Variants in LRP3 observed in about 807,000 individuals in gnomAD.
The protein encoded by LRP3 is LDL receptor related protein 3.
A neutral mutation model predicts 58.5 loss-of-function variants in LRP3; 49 were observed. The ratio of observed to expected loss-of-function variants is 0.84; its 90% CI spans 0.67 to 1.06. LRP3 has a LOEUF of 1.06. Among genes scored for constraint, LRP3 ranks in the 50% least tolerant of loss-of-function variants. LRP3 has a pLI of 0.00. For synonymous variants in LRP3, 485 were observed against 492.2 expected (o/e 0.99, Z 0.20); for missense variants, 1,019 against 1,134.2 (o/e 0.90, Z 1.46).
chr19:33,207,757 G>T lies in LRP3; in HGVS notation c.*182G>T, dbSNP rs895988383. On this transcript the variant is annotated 3_prime_UTR_variant, in exon 7 of 7. Coordinates refer to ENST00000253193, the MANE Select transcript of LRP3 (RefSeq NM_002333.4). ...GGAGCTGTGGGACTGAACGGCGGGG[G>T]GGAGAAGAGTGGAGTGGTGAGCCCG... 3 of 599,080 alleles carry T rather than the reference G, an allele frequency of 5.0e-6. No homozygotes were observed. Among genetic ancestry groups the T allele is most frequent in the Non-Finnish European group, 5.9e-6 (2 of 337,476 alleles). The allele number at this position is 599,080 out of a possible 1,614,324, so 37.1% of individuals were successfully genotyped here. A position where few individuals can be genotyped will look rare whatever the true frequency, so the allele number is the denominator to read the frequency against.
rs1974432546 is a variant in LRP3, at chr19:33,207,310, C to T, written c.2048C>T (p.Pro683Leu). ...RAPEVGPSGP[P>L]LPSGLRDPEC... ...CCGGAGGTGGGACCTTCAGGGCCAC[C>T]CTTGCCCTCGGGCCTGCGAGACCCA... Residue 683 changes from proline to leucine, a missense_variant, in exon 7 of 7, where the codon CCC (proline) becomes CTC (leucine). Around this residue, in one of 2 missense-constraint regions of LRP3, gnomAD observed 427 missense variants for 408.6 expected, o/e 1.04. Coordinates refer to ENST00000253193, the MANE Select transcript of LRP3 (RefSeq NM_002333.4). The T allele has an allele frequency of 1.3e-6, 2 of 1,568,858 alleles. No individual in the cohort carries two copies. Among genetic ancestry groups the T allele is most frequent in the African/African-American group, 1.3e-5 (1 of 74,498 alleles).
chr19:33,196,888 C>T, intron 2 of LRP3, 111 bp downstream of exon 2: 1 of 971,590 alleles, frequency 1.0e-6, no homozygotes, highest in South Asian at 1.3e-5. Flanking sequence ...CTGTGTGCAT[C>T]TTTTCTACAT....
At position 33,207,064 on chromosome 19, in the gene LRP3, G is replaced by A. The variant is rs1337620878; in HGVS notation, c.1802G>A (p.Arg601His). Residue 601 changes from arginine (R) to histidine (H), a missense_variant, in exon 7 of 7, where the codon CGC becomes CAC. Transcript: ENST00000253193. ...RRHASRRGPSRRRLGRLWNRL... is the reference protein window; with the variant it reads ...RRHASRRGPSHRRLGRLWNRL... The stretch of plus-strand genomic sequence containing the variant: ...CACGCCTCCCGCCGGGGGCCCTCCC[G>A]CCGCCGCCTCGGCCGCCTCTGGAAC... 7.4e-6 allele frequency: 11 copies of A among 1,490,252 alleles called. No homozygotes were observed. Among genetic ancestry groups the A allele is most frequent in the East Asian group, 2.5e-5 (1 of 39,574 alleles). 92.3% of individuals were successfully genotyped at this position (1,490,252 alleles called of 1,614,324 possible).
At chr19:33,204,461 A>G (rs1312280490) in intron 3 of LRP3, 177 bp from the exon 4 acceptor site, 19 of 637,702 alleles carry the variant, frequency 3.0e-5, no homozygotes, top group Non-Finnish European at 5.3e-5. Context: ...CAGTGTGGGG[A>G]CAGAGTGGCT....
In LRP3 at chr19:33,194,718, A is replaced by G. The variant is rs1974266427; in HGVS notation, c.-68A>G. On this transcript the variant is annotated 5_prime_UTR_variant, in exon 1 of 7. Transcript: ENST00000253193. ...GAGCCGCAGCCAGAGCCAGAGCCGG[A>G]GCCGCAGCCGGAACCGGAGCCGGAG... is the stretch of plus-strand genomic sequence containing the variant. 6 of 481,146 alleles carry G rather than the reference A, an allele frequency of 1.2e-5. No homozygotes were observed. Among genetic ancestry groups the G allele is most frequent in the Non-Finnish European group, 1.6e-5 (6 of 370,306 alleles). 29.8% of individuals were successfully genotyped at this position (481,146 alleles called of 1,614,324 possible).
At chr19:33,194,922 G>T in intron 1 of LRP3, 64 bp downstream of exon 1, 3 of 898,116 alleles carry the variant, frequency 3.3e-6, no homozygotes, top group South Asian at 1.1e-4. Flanking sequence ...GCCGCGCCCT[G>T]ACCGACCTCC....
At chr19:33,200,744 A>C (rs376460580) in intron 2 of LRP3, among the ~76,000 whole-genome samples, 1 of 152,090 alleles carries the variant, frequency 6.6e-6, no homozygotes, top group South Asian at 2.1e-4. Context: ...ACAGTGCCCT[A>C]TTTCTGGGGC....
At chr19:33,196,000 C>T (rs1048118414) in intron 1 of LRP3, among the ~76,000 whole-genome samples, 2 of 149,860 alleles carry the variant, frequency 1.3e-5, no homozygotes, top group African/African-American at 5.1e-5. Context: ...GGTTTCCCCC[C>T]ACCCCCCGAC....
At chr19:33,196,871 C>G in intron 2 of LRP3, 94 bp downstream of exon 2, 3 of 1,160,594 alleles carry the variant, frequency 2.6e-6, no homozygotes, top group Non-Finnish European at 3.9e-6. Flanking sequence ...GGCACTACCC[C>G]GAGTTCCTGT....
rs187755724 is a variant in LRP3 at position 33,196,573 on chromosome 19, T to C, written c.74-157T>C. Among the ~76,000 whole-genome samples, 352 of 152,162 alleles carry C rather than the reference T, an allele frequency of 2.3e-3. 1 individual carries two copies. Among genetic ancestry groups the C allele is most frequent in the African/African-American group, 7.8e-3 (326 of 41,538 alleles). On this transcript the variant is annotated intron_variant, in intron 1 of 6. Transcript: ENST00000253193. The stretch of plus-strand genomic sequence containing the variant: ...TGGGGGTGAGGTGGTAGGGACCCTC[T>C]TGATGGGCAGTCTTGGGCTGCGCTC...
In LRP3 at chr19:33,205,782, G is replaced by A. The variant is rs1413955328; in HGVS notation, c.1012G>A (p.Ala338Thr). The change falls in exon 5 of 7, where the codon GCC (alanine) becomes ACC (threonine). Residue 338 changes from alanine to threonine, a missense_variant. Physicochemically the swap from Ala to Thr is moderately conservative, Grantham distance 58. Coordinates refer to ENST00000253193, the MANE Select transcript of LRP3 (RefSeq NM_002333.4). ...CAACCACCGGCCCGTGAGCCTGGAGGCCGCCCAGGGCCGCCTCACTGTGGC... is the reference window on the plus strand; with the variant it reads ...CAACCACCGGCCCGTGAGCCTGGAGACCGCCCAGGGCCGCCTCACTGTGGC... ...RSNHRPVSLE[A>T]AQGRLTVAYH... is the part of the protein sequence containing the mutation. The A allele has an allele frequency of 1.9e-6, 3 of 1,583,896 alleles. No homozygotes were observed. The highest frequency in any genetic ancestry group is 8.6e-7 in the Non-Finnish European group (1 of 1,167,922).
chr19:33,198,585 C>T (rs960044461), intron 2 of LRP3, among the ~76,000 whole-genome samples: 1 of 152,190 alleles, frequency 6.6e-6, no homozygotes, highest in African/African-American at 2.4e-5. Flanking sequence ...GCCCCTTCTC[C>T]ACCCTAACTA....
rs1224421525 is a variant in LRP3 at position 33,206,070 on chromosome 19, G to C, written c.1300G>C (p.Ala434Pro). The C allele has an allele frequency of 6.2e-7, 1 of 1,606,486 alleles. No homozygotes were observed. The highest frequency in any genetic ancestry group is 8.5e-7 in the Non-Finnish European group (1 of 1,177,508). Residue 434 changes from alanine (A) to proline (P), a missense_variant, in exon 5 of 7, where the codon GCC becomes CCC. By Grantham distance (27) the Ala-to-Pro change is conservative (BLOSUM62 -1). Around this residue, in one of 2 missense-constraint regions of LRP3, gnomAD observed 592 missense variants for 725.5 expected, o/e 0.82. Coordinates refer to ENST00000253193, the MANE Select transcript of LRP3 (RefSeq NM_002333.4). ...TGGCAGTGGTCTGTGCTACACGCCTGCCGACCGCTGCAACAACCAGAAAAG... is the reference window on the plus strand; with the variant it reads ...TGGCAGTGGTCTGTGCTACACGCCTCCCGACCGCTGCAACAACCAGAAAAG... ...EGGSGLCYTP[A>P]DRCNNQKSCP...
In LRP3 at chr19:33,206,111, C is replaced by G. The variant is rs560613752; in HGVS notation, c.1341C>G (p.Ala447=). 3 of 1,609,536 alleles carry G rather than the reference C, an allele frequency of 1.9e-6. No individual in the cohort carries two copies. Among genetic ancestry groups the G allele is most frequent in the Non-Finnish European group, 2.5e-6 (3 of 1,179,108 alleles). ...ACCAGAAAAGCTGTCCCGACGGCGC[C>G]GACGAGAAGAACTGCTTCTCCTGCC... The part of the protein sequence containing the change: ...CNNQKSCPDG[A]DEKNCFSCQP... The change falls in exon 5 of 7, where the codon GCC becomes GCG. Residue 447 remains alanine, a synonymous_variant. Transcript: ENST00000253193.
chr19:33,197,632 C>T (rs1974299255), intron 2 of LRP3, among the ~76,000 whole-genome samples: 1 of 152,102 alleles, frequency 6.6e-6, no homozygotes, highest in Admixed American at 6.5e-5. Context: ...GTCTGTAAAA[C>T]CAAAACCAAA....
rs372557989 is a variant in LRP3 at position 33,207,389 on chromosome 19, C to T, written c.2127C>T (p.Asp709=). Reference sequence around the variant, plus strand: ...AGGTCTGCAGGGAGCCACTGGTAGACGGCCCAGCTCCTGCAGATGCACCTC... The same window carrying T: ...AGGTCTGCAGGGAGCCACTGGTAGATGGCCCAGCTCCTGCAGATGCACCTC... ...DRKVCREPLV[D]GPAPADAPRE... Residue 709 remains aspartate, a synonymous_variant, in exon 7 of 7, where the codon GAC becomes GAT. Transcript: ENST00000253193. 5.7e-5 allele frequency: 90 copies of T among 1,585,138 alleles called. No individual in the cohort carries two copies. Among genetic ancestry groups the T allele is most frequent in the South Asian group, 1.1e-4 (10 of 88,564 alleles).
chr19:33,207,646 C>T lies in LRP3; in HGVS notation c.*71C>T, dbSNP rs1974440912. On this transcript the variant is annotated 3_prime_UTR_variant, in exon 7 of 7. Coordinates refer to ENST00000253193, the MANE Select transcript of LRP3 (RefSeq NM_002333.4). ...GGAATACACAGTCATTTCTACCCTG[C>T]CTCTGCGTCCTTTCTTATGGAGAGG... 1.7e-6 allele frequency: 2 copies of T among 1,210,930 alleles called. No individual in the cohort carries two copies. The highest frequency in any genetic ancestry group is 2.4e-6 in the Non-Finnish European group (2 of 845,322). 75.0% of individuals were successfully genotyped at this position (1,210,930 alleles called of 1,614,324 possible). A position where few individuals can be genotyped will look rare whatever the true frequency, so the allele number is the denominator to read the frequency against.
At position 33,204,335 on chromosome 19, in the gene LRP3, G is replaced by A. The variant is rs8100642; in HGVS notation, c.261-303G>A. On this transcript the variant is annotated intron_variant, in intron 3 of 6. Coordinates refer to ENST00000253193, the MANE Select transcript of LRP3 (RefSeq NM_002333.4). ...TGACTTCCTGCTCCACTTCGGCTTC[G>A]GGCTGGGGGTACTGTGTGCACTGAT... The A allele has an allele frequency of 1.1e-3, 435 of 383,238 alleles. 1 individual carries two copies. Among genetic ancestry groups the A allele is most frequent in the African/African-American group, 7.7e-3 (381 of 49,444 alleles). 23.7% of individuals were successfully genotyped at this position (383,238 alleles called of 1,614,324 possible).
At chr19:33,201,942 C>G (rs528595322) in intron 2 of LRP3, among the ~76,000 whole-genome samples, 1 of 152,178 alleles carries the variant, frequency 6.6e-6, no homozygotes, top group Non-Finnish European at 1.5e-5. Context: ...TTTGAGCTGG[C>G]GGGCGTGATG....
Sources: gnomAD v4.1 joint callset for allele counts (sites outside exome capture counted in the v4.1 genomes callset) on GRCh38, gnomAD v4.1.1 for gene constraint, gnomAD v4.1.1 regional missense constraint, MANE v1.5 for transcripts, NCBI Gene and HGNC (gene_info 2026-07-23, HGNC 2026-07-21) for gene names.